The following ALX1 variants were observed in gnomAD, a reference collection of about 807,000 sequenced individuals.
The protein encoded by ALX1 is ALX homeobox 1.
In ALX1, 19 loss-of-function variants were observed where a neutral mutation model predicts 31.7. The observed-to-expected ratio is 0.60, with a 90% CI of 0.42 to 0.88. The LOEUF (loss-of-function observed/expected upper bound fraction) is 0.88, where lower values mean the gene tolerates loss of function less well. Among genes scored for constraint, ALX1 ranks in the 40% least tolerant of loss-of-function variants. The probability of loss-of-function intolerance (pLI) is 0.00; values close to 1 mark genes in which losing one functional copy is unlikely to be tolerated. For synonymous variants in ALX1, 153 were observed against 148.8 expected (o/e 1.03, Z -0.20); for missense variants, 415 against 407.8 (o/e 1.02, Z -0.15).
Position 85,301,543 on chromosome 12 carries a change from A to T in ALX1, c.*68A>T. The T allele has an allele frequency of 5.3e-6, 8 of 1,513,682 alleles. No homozygotes were observed. Among genetic ancestry groups the T allele is most frequent in the Non-Finnish European group, 7.3e-6 (8 of 1,102,324 alleles). 93.8% of individuals were successfully genotyped at this position (1,513,682 alleles called of 1,614,324 possible). On this transcript the variant is annotated 3_prime_UTR_variant, in exon 4 of 4. Transcript: ENST00000316824. ...CATTCTTATTTCTCATATTTAAAGG[A>T]TACCACAATAAGCTGCTGTGTGTGG...
At chr12:85,287,025 G>C in intron 3 of ALX1, 44 bp downstream of exon 3, 1 of 1,604,812 alleles carries the variant, frequency 6.2e-7, no homozygotes, top group Non-Finnish European at 8.5e-7. Context: ...AAGGATATTT[G>C]GTTTGTATAT....
At chr12:85,287,252 A>C (rs1176818397) in intron 3 of ALX1, among the ~76,000 whole-genome samples, 1 of 151,746 alleles carries the variant, frequency 6.6e-6, no homozygotes, top group African/African-American at 2.4e-5. Flanking sequence ...AGCATCATTT[A>C]ATGATACAGG....
chr12:85,281,050 G>T (rs1659290005), intron 1 of ALX1, among the ~76,000 whole-genome samples: 1 of 152,150 alleles, frequency 6.6e-6, no homozygotes, highest in Non-Finnish European at 1.5e-5. Flanking sequence ...AGGATCCCTA[G>T]ATTTCTAGCG....
intron 3 of ALX1, among the ~76,000 whole-genome samples, chr12:85,287,504 G>A (rs1330841850): frequency 6.8e-6 from 1 of 147,676 alleles, no homozygotes; most frequent in Middle Eastern, 3.5e-3. Context: ...GTCCACATTT[G>A]GTCCTGTTTG....
chr12:85,301,729 A>C lies in ALX1; in HGVS notation c.*254A>C, dbSNP rs961642268. 5.2e-5 allele frequency: 27 copies of C among 515,006 alleles called. No homozygotes were observed. The highest frequency in any genetic ancestry group is 8.9e-5 in the Non-Finnish European group (26 of 291,912). The allele number at this position is 515,006 out of a possible 1,614,324, so 31.9% of individuals were successfully genotyped here. A position where few individuals can be genotyped will look rare whatever the true frequency, so the allele number is the denominator to read the frequency against. On this transcript the variant is annotated 3_prime_UTR_variant, in exon 4 of 4. Coordinates refer to ENST00000316824, the MANE Select transcript of ALX1 (RefSeq NM_006982.3). The stretch of plus-strand genomic sequence containing the variant: ...TAGTAAGGTTTTCTTTTTCTATTGT[A>C]CAAGTCAATGAAATATGATCACGCA...
chr12:85,294,488 ATCT>A (rs1292031957), intron 3 of ALX1, among the ~76,000 whole-genome samples: 1 of 151,098 alleles, frequency 6.6e-6, no homozygotes, highest in Admixed American at 6.6e-5. Context: ...GTTTCTATAA[ATCT>A]TCTTTTTAAA....
In ALX1 at chr12:85,301,203, A is replaced by G. The variant is rs368441255; in HGVS notation, c.709A>G (p.Thr237Ala). Residue 237 changes from threonine (T) to alanine (A), a missense_variant, in exon 4 of 4, where the codon ACT (threonine) becomes GCT (alanine). By Grantham distance (58) the Thr-to-Ala change is moderately conservative. Coordinates refer to ENST00000316824, the MANE Select transcript of ALX1 (RefSeq NM_006982.3). ...AGNASGGSVV[T>A]SCMLPRDTSS... ...AAATGCAAGTGGTGGTTCTGTGGTT[A>G]CTTCATGCATGTTACCACGTGACAC... 2.5e-6 allele frequency: 4 copies of G among 1,613,916 alleles called. No homozygotes were observed. The African/African-American group carries it at 4.0e-5, about 16-fold the overall frequency.
At chr12:85,294,493 CT>C (rs772999919) in intron 3 of ALX1, among the ~76,000 whole-genome samples, 1 of 150,958 alleles carries the variant, frequency 6.6e-6, no homozygotes, top group East Asian at 1.9e-4. Flanking sequence ...TATAAATCTT[CT>C]TTTTAAAAGT....
At chr12:85,297,475 T>TTA (rs1199521888) in intron 3 of ALX1, among the ~76,000 whole-genome samples, 2 of 151,684 alleles carry the variant, frequency 1.3e-5, no homozygotes, top group East Asian at 1.9e-4. Flanking sequence ...AAAGATGATC[T>TTA]TATTCTACGT....
intron 3 of ALX1, among the ~76,000 whole-genome samples, chr12:85,291,266 G>A (rs895577300): frequency 3.3e-5 from 5 of 150,892 alleles, no homozygotes; most frequent in Non-Finnish European, 7.4e-5. Context: ...ACTGTTGCAG[G>A]GATCAGGAAT....
intron 3 of ALX1, among the ~76,000 whole-genome samples, chr12:85,294,789 T>C (rs562923577): frequency 2.6e-5 from 4 of 151,154 alleles, no homozygotes; most frequent in Admixed American, 2.0e-4. Context: ...GGTGATTTTT[T>C]TTTTAATGGA....
chr12:85,301,359 G>T lies in ALX1; in HGVS notation c.865G>T (p.Ala289Ser), dbSNP rs761513959. Residue 289 changes from alanine to serine, a missense_variant, in exon 4 of 4, where the codon GCA (alanine) becomes TCA (serine). Transcript: ENST00000316824. ...TTTCACTGACTCTCTTCTTACTGGG[G>T]CAACCAATGGACATGCATTTGAAAC... Reference protein sequence around the residue: ...NFFTDSLLTGATNGHAFETKP... With the variant: ...NFFTDSLLTGSTNGHAFETKP... 6.2e-7 allele frequency: 1 copy of T among 1,613,996 alleles called. No homozygotes were observed. Among genetic ancestry groups the T allele is most frequent in the South Asian group, 1.1e-5 (1 of 91,074 alleles).
intron 3 of ALX1, among the ~76,000 whole-genome samples, chr12:85,291,054 A>G (rs1437664616): frequency 2.0e-5 from 3 of 151,262 alleles, no homozygotes; most frequent in Admixed American, 1.3e-4. Flanking sequence ...TATATTAAGT[A>G]GTGTATCATA....
chr12:85,280,498 A>C lies in ALX1; in HGVS notation c.226+11A>C. ...GTCAGGACAGCAGCGGTGAGTCGCT[A>C]GCGCCCCAGCCGGAGCCGCCGCAGC... On this transcript the variant is annotated intron_variant, in intron 1 of 3. Transcript: ENST00000316824. The C allele has an allele frequency of 6.2e-7, 1 of 1,608,594 alleles. No individual in the cohort carries two copies. The highest frequency in any genetic ancestry group is 8.5e-7 in the Non-Finnish European group (1 of 1,179,466).
intron 3 of ALX1, among the ~76,000 whole-genome samples, chr12:85,298,031 C>T (rs1022321465): frequency 6.6e-6 from 1 of 151,728 alleles, no homozygotes; most frequent in Admixed American, 6.6e-5. Flanking sequence ...CCTTGTACCA[C>T]ATTAGACCTG....
Position 85,301,264 on chromosome 12 carries a change from G to A in ALX1, c.770G>A (p.Arg257Gln), listed in dbSNP as rs755258550. 6 of 1,613,774 alleles carry A rather than the reference G, an allele frequency of 3.7e-6. No individual in the cohort carries two copies. Among genetic ancestry groups the A allele is most frequent in the African/African-American group, 1.3e-5 (1 of 74,854 alleles). The part of the protein sequence containing the change: ...SCMTPYSHSP[R>Q]TDSSYTGFSN... Reference sequence around the variant, plus strand: ...ATGACACCTTATTCTCACTCGCCTCGGACAGATTCCAGTTACACGGGGTTT... The same window carrying A: ...ATGACACCTTATTCTCACTCGCCTCAGACAGATTCCAGTTACACGGGGTTT... Residue 257 changes from arginine (R) to glutamine (Q), a missense_variant, in exon 4 of 4, where the codon CGG (arginine) becomes CAG (glutamine). Transcript: ENST00000316824.
intron 1 of ALX1, among the ~76,000 whole-genome samples, chr12:85,282,173 C>T (rs1896683040): frequency 2.0e-5 from 3 of 151,914 alleles, no homozygotes; most frequent in Admixed American, 6.6e-5. Flanking sequence ...GTTAATCAGT[C>T]ATGGCTCTTC....
intron 3 of ALX1, among the ~76,000 whole-genome samples, chr12:85,298,178 T>G (rs910831505): frequency 6.6e-6 from 1 of 151,692 alleles, no homozygotes; most frequent in East Asian, 1.9e-4. Context: ...ACAGCATTTC[T>G]AAGGTTTCCT....
rs369826150 is a variant in ALX1, at chr12:85,280,375, G to C, written c.114G>C (p.Glu38Asp). The change falls in exon 1 of 4, where the codon GAG becomes GAC. Residue 38 changes from glutamate to aspartate, a missense_variant. Physicochemically the swap from Glu to Asp is conservative, Grantham distance 45 (BLOSUM62 2). Transcript: ENST00000316824. ...LEHVMETLDN[E>D]SFYSKASAGK... Reference sequence around the variant, plus strand: ...ACGTTATGGAGACGCTGGACAATGAGTCCTTTTACAGCAAAGCGTCTGCAG... The same window carrying C: ...ACGTTATGGAGACGCTGGACAATGACTCCTTTTACAGCAAAGCGTCTGCAG... 3 of 1,613,964 alleles carry C rather than the reference G, an allele frequency of 1.9e-6. No individual in the cohort carries two copies. In the African/African-American group the frequency reaches 4.0e-5, roughly 22 times the overall value.
Sources: allele counts gnomAD v4.1 joint callset (sites outside exome capture counted in the v4.1 genomes callset), GRCh38; gene constraint gnomAD v4.1.1; transcripts MANE v1.5; gene names NCBI Gene and HGNC (gene_info 2026-07-23, HGNC 2026-07-21).